Variants in ATRNL1 observed in about 807,000 individuals in gnomAD.
ATRNL1 encodes the protein attractin like 1, also known as attractin-like protein 1.
ATRNL1 carries 95 observed loss-of-function variants against 182.7 expected under a neutral mutation model. The ratio of observed to expected loss-of-function variants is 0.52; its 90% CI spans 0.44 to 0.62. The LOEUF (loss-of-function observed/expected upper bound fraction) is 0.62, where lower values mean the gene tolerates loss of function less well. Among genes scored for constraint, ATRNL1 ranks in the 20% least tolerant of loss-of-function variants. The pLI is 0.00. For synonymous variants in ATRNL1, 576 were observed against 568.3 expected, an observed-to-expected ratio of 1.01 and a Z score of -0.19; for missense variants, 1,471 against 1,679.5, an observed-to-expected ratio of 0.88 and a Z score of 2.17.
intron 27 of ATRNL1, among the ~76,000 whole-genome samples, chr10:115,794,474 C>G (rs1263143421): frequency 6.6e-6 from 1 of 152,186 alleles, no homozygotes; most frequent in Non-Finnish European, 1.5e-5. Flanking sequence ...AGTTTAGAAT[C>G]ATGCGTTGCA....
Position 115,298,893 on chromosome 10 carries a change from T to C in ATRNL1, c.2416-1141T>C, listed in dbSNP as rs541634693. Among the ~76,000 whole-genome samples, 162 of 152,200 alleles carry C rather than the reference T, an allele frequency of 1.1e-3. 1 individual carries two copies. The highest frequency in any genetic ancestry group is 1.7e-3 in the Non-Finnish European group (115 of 67,916). Reference sequence around the variant, plus strand: ...TTAAATTTTATCCAAGAAACATTTGTTGAGTGTTTACTATGTGAAATTTAT... The same window carrying C: ...TTAAATTTTATCCAAGAAACATTTGCTGAGTGTTTACTATGTGAAATTTAT... On this transcript the variant is annotated intron_variant, in intron 15 of 28. Coordinates refer to ENST00000355044, the MANE Select transcript of ATRNL1 (RefSeq NM_207303.4).
chr10:115,618,958 G>A (rs1043361304), intron 26 of ATRNL1, among the ~76,000 whole-genome samples: 20 of 152,160 alleles, frequency 1.3e-4, no homozygotes, highest in Admixed American at 5.2e-4. Context: ...CCAGTGTTAC[G>A]AAATAGCTTT....
At chr10:115,755,325 T>C (rs1024845819) in intron 27 of ATRNL1, among the ~76,000 whole-genome samples, 4 of 152,214 alleles carry the variant, frequency 2.6e-5, no homozygotes, top group African/African-American at 4.8e-5. Context: ...ACAGCTCTTA[T>C]GATTTTGAGA....
At chr10:115,340,713 T>C (rs1855714666) in intron 19 of ATRNL1, among the ~76,000 whole-genome samples, 1 of 151,920 alleles carries the variant, frequency 6.6e-6, no homozygotes, top group African/African-American at 2.4e-5. Flanking sequence ...TTACTTGTTA[T>C]TGGTCTGTTC....
At chr10:115,468,469 C>T (rs1351985649) in intron 23 of ATRNL1, among the ~76,000 whole-genome samples, 3 of 150,774 alleles carry the variant, frequency 2.0e-5, no homozygotes, top group African/African-American at 7.3e-5. Context: ...TTCAATTACG[C>T]AGTATACTAA....
At chr10:115,900,726 G>T (rs1952328737) in intron 28 of ATRNL1, among the ~76,000 whole-genome samples, 1 of 152,162 alleles carries the variant, frequency 6.6e-6, no homozygotes, top group Admixed American at 6.6e-5. Context: ...GACTTGCTTT[G>T]AAGTCTGTTA....
In ATRNL1 at chr10:115,334,423, A is replaced by G; in HGVS notation, c.3175+4A>G. On this transcript the variant is annotated splice_donor_region_variant and intron_variant, in intron 19 of 28. Coordinates refer to ENST00000355044, the MANE Select transcript of ATRNL1 (RefSeq NM_207303.4). ...ACCAATGGTGGACAGTGCACAGGTA[A>G]GTTTCTTTTAAGCAAATTTTGGTGT... The G allele has an allele frequency of 6.6e-7, 1 of 1,520,194 alleles. No individual in the cohort carries two copies. Among genetic ancestry groups the G allele is most frequent in the South Asian group, 1.3e-5 (1 of 77,056 alleles). The allele number at this position is 1,520,194 out of a possible 1,614,324, so 94.2% of individuals were successfully genotyped here.
At position 115,218,432 on chromosome 10, in the gene ATRNL1, A is replaced by G. The variant is rs146195326; in HGVS notation, c.1532+2552A>G. On this transcript the variant is annotated intron_variant, in intron 9 of 28. Transcript: ENST00000355044. ...ACTTTTAAGGCTACTGTCATTTGCG[A>G]TCTCATGCAGTTGATCCTCTTCTAG... Among the ~76,000 whole-genome samples the G allele has an allele frequency of 2.0e-5, 3 of 152,276 alleles. No individual in the cohort carries two copies. In the East Asian group the frequency reaches 5.8e-4, roughly 29 times the overall value.
intron 27 of ATRNL1, among the ~76,000 whole-genome samples, chr10:115,757,689 AATTT>A (rs1948626806): frequency 6.6e-6 from 1 of 152,052 alleles, no homozygotes; most frequent in Non-Finnish European, 1.5e-5. Flanking sequence ...GTATTTCCAG[AATTT>A]GAATGTTGGC....
intron 28 of ATRNL1, among the ~76,000 whole-genome samples, chr10:115,941,344 G>T (rs1165141933): frequency 6.6e-6 from 1 of 152,188 alleles, no homozygotes; most frequent in Non-Finnish European, 1.5e-5. Context: ...AGGACATGTT[G>T]TCAGAGACAT....
At chr10:115,854,670 G>C (rs1163522847) in intron 28 of ATRNL1, among the ~76,000 whole-genome samples, 1 of 152,128 alleles carries the variant, frequency 6.6e-6, no homozygotes, top group Non-Finnish European at 1.5e-5. Flanking sequence ...CCATTCCCCA[G>C]ACCAGCTCTT....
chr10:115,900,994 A>C (rs1952334984), intron 28 of ATRNL1, among the ~76,000 whole-genome samples: 1 of 152,250 alleles, frequency 6.6e-6, no homozygotes, highest in African/African-American at 2.4e-5. Flanking sequence ...ACAATGTAGA[A>C]GAGTCCACAT....
At chr10:115,654,484 G>A (rs1345784497) in intron 26 of ATRNL1, among the ~76,000 whole-genome samples, 2 of 152,100 alleles carry the variant, frequency 1.3e-5, no homozygotes, top group African/African-American at 4.8e-5. Flanking sequence ...CTCCCAAAGT[G>A]CAGGGATTAC....
intron 8 of ATRNL1, among the ~76,000 whole-genome samples, chr10:115,202,560 C>A (rs544175469): frequency 6.6e-6 from 1 of 152,132 alleles, no homozygotes; most frequent in South Asian, 2.1e-4. Flanking sequence ...ATTGAACCAA[C>A]CTTGCATCCC....
At chr10:115,346,368 C>G (rs1284803944) in intron 19 of ATRNL1, among the ~76,000 whole-genome samples, 1 of 152,090 alleles carries the variant, frequency 6.6e-6, no homozygotes, top group Non-Finnish European at 1.5e-5. Context: ...CAGTTTTTGT[C>G]CTTTGGTGAC....
At chr10:115,838,671 A>G (rs1361019298) in intron 27 of ATRNL1, among the ~76,000 whole-genome samples, 5 of 152,164 alleles carry the variant, frequency 3.3e-5, no homozygotes, top group African/African-American at 1.2e-4. Context: ...TGTCTTTAGC[A>G]TTCTGTGAAA....
At chr10:115,411,379 T>G (rs1845133780) in intron 20 of ATRNL1, among the ~76,000 whole-genome samples, 1 of 151,834 alleles carries the variant, frequency 6.6e-6, no homozygotes, top group Non-Finnish European at 1.5e-5. Context: ...TGTATAACAA[T>G]GTTAGCGTTT....
At chr10:115,686,067 ATAATTTAT>A (rs151276437) in intron 26 of ATRNL1, among the ~76,000 whole-genome samples, 2,862 of 151,838 alleles carry the variant, frequency 0.019, 75 homozygotes, top group African/African-American at 0.061. Context: ...AACAATGTTT[ATAATTTAT>A]TAATTTATTA....
intron 21 of ATRNL1, among the ~76,000 whole-genome samples, chr10:115,460,529 C>T (rs1565067814): frequency 6.6e-6 from 1 of 152,110 alleles, no homozygotes; most frequent in Non-Finnish European, 1.5e-5. Context: ...TTCCTGTGGC[C>T]TTCACTGCTG....
Sources: allele counts gnomAD v4.1 joint callset (sites outside exome capture counted in the v4.1 genomes callset), GRCh38; gene constraint gnomAD v4.1.1; transcripts MANE v1.5; gene names NCBI Gene and HGNC (gene_info 2026-07-23, HGNC 2026-07-21).